The following KREMEN1 variants were observed in gnomAD, a reference collection of about 807,000 sequenced individuals.
KREMEN1 encodes the protein kremen protein 1.
In KREMEN1, 30 loss-of-function variants were observed where a neutral mutation model predicts 46.5. The observed-to-expected ratio is 0.65, with a 90% confidence interval of 0.48 to 0.88. KREMEN1 has a LOEUF of 0.88. Ranked by LOEUF, KREMEN1 falls within the 40% of genes least tolerant of loss-of-function variation. The pLI, the probability that KREMEN1 is intolerant of heterozygous loss-of-function variation, is 0.00. For missense variants in KREMEN1, 533 were observed against 596.9 expected, an observed-to-expected ratio of 0.89 and a Z score of 1.11; for synonymous variants, 214 against 230.6, an observed-to-expected ratio of 0.93 and a Z score of 0.65.
chr22:29,146,091 C>G lies in KREMEN1; in HGVS notation c.*3979C>G, dbSNP rs946893394. 4.1e-6 allele frequency: 4 copies of G among 985,858 alleles called. No homozygotes were observed. In the Admixed American group the frequency reaches 1.8e-4, roughly 45 times the overall value. The allele number at this position is 985,858 out of a possible 1,614,324, so 61.1% of individuals were successfully genotyped here. ...TCTGCTGAGGTCAGGCCAGGTCTCC[C>G]ACGGAGCCGGGCAGCTCCACACCCC... On this transcript the variant is annotated 3_prime_UTR_variant, in exon 9 of 9. Transcript: ENST00000400335.
intron 1 of KREMEN1, among the ~76,000 whole-genome samples, chr22:29,080,598 G>A (rs2037638326): frequency 6.6e-6 from 1 of 152,206 alleles, no homozygotes; most frequent in South Asian, 2.1e-4. Flanking sequence ...CTTGGAGGGG[G>A]CCAGGGGCTG....
In KREMEN1 at chr22:29,143,642, T is replaced by C; in HGVS notation, c.*1530T>C. The stretch of plus-strand genomic sequence containing the variant: ...CTGTAGTCCCAGCTGCTCGGGAGGC[T>C]GAGGCAGGAGAATGGCGTGAACCCG... On this transcript the variant is annotated 3_prime_UTR_variant, in exon 9 of 9. Transcript: ENST00000400335. 1 of 718,406 alleles carries C rather than the reference T, an allele frequency of 1.4e-6. No individual in the cohort carries two copies. Among genetic ancestry groups the C allele is most frequent in the Non-Finnish European group, 1.7e-6 (1 of 586,800 alleles). The allele number at this position is 718,406 out of a possible 1,614,324, so 44.5% of individuals were successfully genotyped here.
intron 5 of KREMEN1, among the ~76,000 whole-genome samples, chr22:29,127,604 AGT>A (rs1395859404): frequency 6.6e-6 from 1 of 152,152 alleles, no homozygotes; most frequent in Admixed American, 6.5e-5. Flanking sequence ...TGGAGGTTGC[AGT>A]GAGCTGAGAT....
chr22:29,137,646 G>T lies in KREMEN1; in HGVS notation c.936G>T (p.Gln312His). The T allele has an allele frequency of 6.3e-7, 1 of 1,597,776 alleles. No homozygotes were observed. Among genetic ancestry groups the T allele is most frequent in the Non-Finnish European group, 8.6e-7 (1 of 1,166,286 alleles). Residue 312 changes from glutamine to histidine, a missense_variant, in exon 6 of 9, where the codon CAG becomes CAT. By Grantham distance (24) the Gln-to-His change is conservative. Coordinates refer to ENST00000400335, the MANE Select transcript of KREMEN1 (RefSeq NM_001039570.3). Reference protein sequence around the residue: ...ILYFFSDRINQAQGFAVLYQA... With the variant: ...ILYFFSDRINHAQGFAVLYQA... ...ATTTCTTCTCTGATCGCATCAATCA[G>T]GCCCAGGGATTTGCTGTTTTATACC...
chr22:29,166,953 CAAA>C, intron 9 of KREMEN1: 2 of 1,051,210 alleles, frequency 1.9e-6, no homozygotes, highest in African/African-American at 3.2e-5. Flanking sequence ...CAAAAGAGAC[CAAA>C]ATCAGTCAAA....
At chr22:29,108,308 G>A (rs1445878425) in intron 3 of KREMEN1, among the ~76,000 whole-genome samples, 1 of 152,150 alleles carries the variant, frequency 6.6e-6, no homozygotes, top group East Asian at 1.9e-4. Context: ...ATTCTTTCTT[G>A]ATGCCATGAA....
intron 9 of KREMEN1, among the ~76,000 whole-genome samples, chr22:29,162,550 C>G (rs536696331): frequency 6.6e-6 from 1 of 152,112 alleles, no homozygotes; most frequent in South Asian, 2.1e-4. Context: ...AACCCCGTTT[C>G]CACTAAAAAT....
chr22:29,085,946 G>A (rs1312433077), intron 1 of KREMEN1, among the ~76,000 whole-genome samples: 2 of 146,780 alleles, frequency 1.4e-5, no homozygotes, highest in South Asian at 2.2e-4. Context: ...ACTCCAGCCT[G>A]TGTGACAGAG....
intron 9 of KREMEN1, among the ~76,000 whole-genome samples, chr22:29,152,951 T>A (rs1214914388): frequency 6.6e-6 from 1 of 152,156 alleles, no homozygotes; most frequent in African/African-American, 2.4e-5. Flanking sequence ...CTTGACTGAG[T>A]AGACTTACGG....
At chr22:29,121,768 C>T (rs1275289475) in intron 4 of KREMEN1, among the ~76,000 whole-genome samples, 1 of 152,126 alleles carries the variant, frequency 6.6e-6, no homozygotes, top group Non-Finnish European at 1.5e-5. Flanking sequence ...GCAGTGACTG[C>T]ACAACACAGT....
chr22:29,160,045 A>G (rs1206183281), intron 9 of KREMEN1, among the ~76,000 whole-genome samples: 1 of 152,130 alleles, frequency 6.6e-6, no homozygotes. Flanking sequence ...CACTTGACCA[A>G]TTGGACCTAT....
At chr22:29,148,075 C>T (rs943433389), downstream of KREMEN1, among the ~76,000 whole-genome samples, 2 of 152,212 alleles carry the variant, frequency 1.3e-5, no homozygotes, top group East Asian at 1.9e-4. Context: ...GACATGGGTG[C>T]CTGAGCGGAG....
intron 3 of KREMEN1, among the ~76,000 whole-genome samples, chr22:29,102,202 T>G (rs374569370): frequency 6.6e-6 from 1 of 152,212 alleles, no homozygotes; most frequent in Admixed American, 6.5e-5. Context: ...ATACCTGGAA[T>G]AGCATCTGAA....
At chr22:29,141,102 ACTT>A (rs2038752888) in intron 8 of KREMEN1, among the ~76,000 whole-genome samples, 2 of 152,124 alleles carry the variant, frequency 1.3e-5, no homozygotes, top group African/African-American at 4.8e-5. Context: ...TCTGCTACAG[ACTT>A]CTTATACATT....
At chr22:29,109,103 C>G (rs931890181) in intron 3 of KREMEN1, among the ~76,000 whole-genome samples, 2 of 152,094 alleles carry the variant, frequency 1.3e-5, no homozygotes, top group African/African-American at 4.8e-5. Context: ...ATGTTTGTTC[C>G]TACAATGAGG....
intron 3 of KREMEN1, among the ~76,000 whole-genome samples, chr22:29,108,849 G>A (rs571704751): frequency 3.9e-5 from 6 of 152,216 alleles, no homozygotes; most frequent in South Asian, 2.1e-4. Context: ...GAGTGCAGTG[G>A]CACGATCATG....
At chr22:29,148,645 G>A (rs1010014603), downstream of KREMEN1, among the ~76,000 whole-genome samples, 3 of 152,006 alleles carry the variant, frequency 2.0e-5, no homozygotes, top group Non-Finnish European at 4.4e-5. Context: ...AGTAGAGATG[G>A]GGTTTCACCA....
chr22:29,141,594 A>G (rs868709719), intron 8 of KREMEN1, among the ~76,000 whole-genome samples: 1 of 152,228 alleles, frequency 6.6e-6, no homozygotes, highest in Non-Finnish European at 1.5e-5. Context: ...TGTTTTAGCT[A>G]GGTGGGCTTC....
rs1007275220 is a variant in KREMEN1 at position 29,110,645 on chromosome 22, A to G, written c.353-10712A>G. Among the ~76,000 whole-genome samples the G allele has an allele frequency of 2.0e-5, 3 of 152,180 alleles. No homozygotes were observed. The South Asian group carries it at 6.2e-4, about 31-fold the overall frequency. On this transcript the variant is annotated intron_variant, in intron 3 of 8. Coordinates refer to ENST00000400335, the MANE Select transcript of KREMEN1 (RefSeq NM_001039570.3). Reference sequence around the variant, plus strand: ...GAGGAAGAAAAAGCTGTGCTTACTTATTTATTTGGGGGTGTTGCTGTAAGA... The same window carrying G: ...GAGGAAGAAAAAGCTGTGCTTACTTGTTTATTTGGGGGTGTTGCTGTAAGA...
Sources: allele counts gnomAD v4.1 joint callset (sites outside exome capture counted in the v4.1 genomes callset), GRCh38; gene constraint gnomAD v4.1.1; transcripts MANE v1.5; gene names NCBI Gene and HGNC (gene_info 2026-07-23, HGNC 2026-07-21).